Variants in CRACD observed in about 807,000 individuals in gnomAD.
CRACD encodes the protein capping protein-inhibiting regulator of actin dynamics.
A neutral mutation model predicts 106.8 loss-of-function variants in CRACD; 56 were observed. The observed-to-expected ratio is 0.52, with a 90% confidence interval of 0.42 to 0.66. CRACD has a LOEUF of 0.66. Among genes scored for constraint, CRACD ranks in the 30% least tolerant of loss-of-function variants. The pLI is 0.00. For synonymous variants in CRACD, 754 were observed against 670.8 expected, an observed-to-expected ratio of 1.12 and a Z score of -1.92; for missense variants, 1,730 against 1,623.2, an observed-to-expected ratio of 1.07 and a Z score of -1.13.
In CRACD at chr4:56,304,103, C is replaced by T. The variant is rs1034254479; in HGVS notation, c.121-3432C>T. ...CTCCCTCCCTCTGCCTCTTCTCCCT[C>T]TGCCCTCCCCTGCCAACATCCCCCA... is the stretch of plus-strand genomic sequence containing the variant. On this transcript the variant is annotated intron_variant, in intron 4 of 10. Transcript: ENST00000682029. 2.0e-5 allele frequency among the ~76,000 whole-genome samples: 3 copies of T among 152,116 alleles called. 1 individual carries two copies. The highest frequency in any genetic ancestry group is 4.4e-5 in the Non-Finnish European group (3 of 68,010).
At chr4:56,156,926 A>C (rs11937414) in intron 1 of CRACD, among the ~76,000 whole-genome samples, 57,159 of 152,104 alleles carry the variant, frequency 0.38, 10,922 homozygotes, top group Middle Eastern at 0.46. Flanking sequence ...GTATAAGGGC[A>C]GAGATTTTTT....
chr4:56,269,987 C>T (rs1389107667), intron 2 of CRACD, among the ~76,000 whole-genome samples: 5 of 152,146 alleles, frequency 3.3e-5, no homozygotes, highest in Non-Finnish European at 7.3e-5. Context: ...TAGCACAATG[C>T]GTATGTATAG....
intron 1 of CRACD, among the ~76,000 whole-genome samples, chr4:56,072,988 C>G (rs148253831): frequency 0.017 from 2,635 of 152,270 alleles, 77 homozygotes; most frequent in African/African-American, 0.059. Context: ...GCCACATTTT[C>G]TTTATCCAGT....
chr4:56,239,427 T>C (rs1288576300), intron 2 of CRACD, among the ~76,000 whole-genome samples: 3 of 152,212 alleles, frequency 2.0e-5, no homozygotes, highest in South Asian at 2.1e-4. Context: ...CATGGCCTTG[T>C]GAAGTGGGTG....
chr4:56,075,508 G>A (rs972006913), intron 1 of CRACD, among the ~76,000 whole-genome samples: 6 of 152,104 alleles, frequency 3.9e-5, no homozygotes, highest in Admixed American at 6.5e-5. Flanking sequence ...ATGGTAGTTT[G>A]TATTTCTGTG....
chr4:56,155,554 G>A (rs556614305), intron 1 of CRACD, among the ~76,000 whole-genome samples: 14 of 152,262 alleles, frequency 9.2e-5, no homozygotes, highest in African/African-American at 3.1e-4. Context: ...CTTCTACGTC[G>A]ATTGAATCCC....
At chr4:56,122,392 A>T (rs895047003) in intron 1 of CRACD, among the ~76,000 whole-genome samples, 1 of 152,116 alleles carries the variant, frequency 6.6e-6, no homozygotes, top group Non-Finnish European at 1.5e-5. Context: ...GAAGCAAAAA[A>T]TTTGCAAAAA....
At chr4:56,155,001 T>A (rs1378252410) in intron 1 of CRACD, among the ~76,000 whole-genome samples, 2 of 151,660 alleles carry the variant, frequency 1.3e-5, no homozygotes, top group Non-Finnish European at 2.9e-5. Context: ...CAAAACTAAA[T>A]GTTTTGTGTT....
At chr4:56,243,408 A>G (rs1218640399) in intron 2 of CRACD, among the ~76,000 whole-genome samples, 1 of 152,188 alleles carries the variant, frequency 6.6e-6, no homozygotes, top group East Asian at 1.9e-4. Context: ...GCCACTCATC[A>G]ATGTAAGGAA....
intron 2 of CRACD, among the ~76,000 whole-genome samples, chr4:56,218,067 C>A (rs753643131): frequency 3.3e-5 from 5 of 152,006 alleles, no homozygotes; most frequent in Non-Finnish European, 5.9e-5. Context: ...TCTTTGTCTC[C>A]CAATTTCCCC....
At chr4:56,289,562 A>C (rs1743583926) in intron 3 of CRACD, among the ~76,000 whole-genome samples, 1 of 151,942 alleles carries the variant, frequency 6.6e-6, no homozygotes, top group Non-Finnish European at 1.5e-5. Context: ...ATTTCCAGCT[A>C]CTTGGGAGGC....
intron 10 of CRACD, among the ~76,000 whole-genome samples, chr4:56,325,467 A>C (rs189924230): frequency 6.6e-6 from 1 of 152,202 alleles, no homozygotes. Context: ...GGCAAAAGTG[A>C]GATGGTCTGT....
chr4:56,250,216 T>C (rs1003018190), intron 2 of CRACD, among the ~76,000 whole-genome samples: 1 of 152,158 alleles, frequency 6.6e-6, no homozygotes, highest in Non-Finnish European at 1.5e-5. Context: ...TTTTTGATAA[T>C]AAGTAAGAAA....
intron 3 of CRACD, among the ~76,000 whole-genome samples, chr4:56,279,083 C>A (rs529373092): frequency 1.3e-4 from 19 of 151,978 alleles, no homozygotes; most frequent in African/African-American, 4.4e-4. Flanking sequence ...ATGTTTAGTT[C>A]TGATCCCATA....
chr4:56,079,185 C>T lies in CRACD; in HGVS notation c.-336+29886C>T, dbSNP rs368236798. The stretch of plus-strand genomic sequence containing the variant: ...TGCTGTCCCAGACACCAGGCTTGGA[C>T]GTTTTCCCAAAACAACTTTAGAATG... On this transcript the variant is annotated intron_variant, in intron 1 of 10. Coordinates refer to ENST00000682029, the MANE Select transcript of CRACD (RefSeq NM_001393381.1). 3.1e-4 allele frequency among the ~76,000 whole-genome samples: 47 copies of T among 152,240 alleles called. No homozygotes were observed. The South Asian group carries it at 8.3e-3, about 27-fold the overall frequency.
At chr4:56,153,853 C>G (rs1162038848) in intron 1 of CRACD, among the ~76,000 whole-genome samples, 4 of 152,196 alleles carry the variant, frequency 2.6e-5, no homozygotes, top group African/African-American at 9.6e-5. Flanking sequence ...CCTTTACTAG[C>G]TACACTCATC....
At position 56,315,795 on chromosome 4, in the gene CRACD, G is replaced by A. The variant is rs752844797; in HGVS notation, c.2293G>A (p.Gly765Ser). ...GACAGCCCCCCAGCCTCCTCCTGCT[G>A]GTGTTCGCGAGCTCGGGAAGGGTCC... ...EETAPQPPPA[G>S]VRELGKGPEK... The change falls in exon 8 of 11, where the codon GGT (glycine) becomes AGT (serine). Residue 765 changes from glycine (G) to serine (S), a missense_variant. Gly to Ser is a moderately conservative substitution (Grantham distance 56, BLOSUM62 0). Around this residue, in one of 5 missense-constraint regions of CRACD, gnomAD observed 1,620 missense variants for 1,481.6 expected, o/e 1.09. Coordinates refer to ENST00000682029, the MANE Select transcript of CRACD (RefSeq NM_001393381.1). The surrounding 1 kb of genome is among the most constrained non-coding windows in gnomAD (Gnocchi z 4.1). 1.5e-5 allele frequency: 24 copies of A among 1,614,086 alleles called. No individual in the cohort carries two copies. Among genetic ancestry groups the A allele is most frequent in the Non-Finnish European group, 1.9e-5 (22 of 1,180,046 alleles).
chr4:56,119,525 A>C (rs1734411546), intron 1 of CRACD, among the ~76,000 whole-genome samples: 1 of 151,210 alleles, frequency 6.6e-6, no homozygotes. Context: ...TGTAGAGATG[A>C]TGTCTCGTCA....
At chr4:56,301,804 G>C (rs904973232) in intron 4 of CRACD, among the ~76,000 whole-genome samples, 5 of 151,902 alleles carry the variant, frequency 3.3e-5, no homozygotes, top group African/African-American at 1.2e-4. Context: ...TCTACCATCT[G>C]CCACAATTTC....
Sources: gnomAD v4.1 joint callset for allele counts (sites outside exome capture counted in the v4.1 genomes callset) on GRCh38, gnomAD v4.1.1 for gene constraint, gnomAD v4.1.1 regional missense constraint, Gnocchi (gnomAD v3.1) non-coding constraint, MANE v1.5 for transcripts, NCBI Gene and HGNC (gene_info 2026-07-23, HGNC 2026-07-21) for gene names.